Variants in ZNF331 observed in about 807,000 individuals in gnomAD.
The protein encoded by ZNF331 is C2H2-like zinc finger protein rearranged in thyroid adenomas.
A neutral mutation model predicts 7.0 loss-of-function variants in ZNF331; 2 were observed. The observed-to-expected ratio is 0.29, with a 90% CI of 0.12 to 0.90. ZNF331 has a LOEUF of 0.90. ZNF331 is among the 40% of genes least tolerant of loss of function. ZNF331 has a pLI of 0.58. For synonymous variants in ZNF331, 196 were observed against 205.4 expected, an observed-to-expected ratio of 0.95 and a Z score of 0.39; for missense variants, 432 against 587.7, an observed-to-expected ratio of 0.74 and a Z score of 2.74.
At chr19:53,523,257 C>G (rs1046187253) in intron 2 of ZNF331, 3 of 150,806 alleles carry the variant, frequency 2.0e-5, no homozygotes, top group Non-Finnish European at 2.9e-5. Flanking sequence ...TTGCCCTTGT[C>G]CCCCAGGCTG....
intron 2 of ZNF331, among the ~76,000 whole-genome samples, chr19:53,523,722 C>T (rs1403264700): frequency 2.6e-5 from 4 of 152,168 alleles, no homozygotes; most frequent in South Asian, 2.1e-4. Flanking sequence ...AGCCACCATG[C>T]CCAGCCTTGA....
chr19:53,508,340 C>T, the ZNF331 span, among the ~76,000 whole-genome samples: 2 of 152,152 alleles, frequency 1.3e-5, no homozygotes, highest in African/African-American at 2.4e-5. Context: ...AGCCGCACCA[C>T]GTGACCCTTG....
intron 5 of ZNF331, among the ~76,000 whole-genome samples, chr19:53,574,758 T>C (rs1318314780): frequency 6.6e-6 from 1 of 152,220 alleles, no homozygotes; most frequent in Non-Finnish European, 1.5e-5. Flanking sequence ...TTCATCACAC[T>C]GGGGGCTCAA....
chr19:53,578,701 G>C lies in ZNF331; in HGVS notation c.*749G>C, dbSNP rs2090825789. 1 of 209,956 alleles carries C rather than the reference G, an allele frequency of 4.8e-6. No homozygotes were observed. Among genetic ancestry groups the C allele is most frequent in the South Asian group, 1.9e-4 (1 of 5,322 alleles). The allele number at this position is 209,956 out of a possible 1,614,324, so 13.0% of individuals were successfully genotyped here. ...AGGTGAGAGGGGACTGCTGTACAAAGAATATAGGAAGGCCTCTAGACTACA... is the reference window on the plus strand; with the variant it reads ...AGGTGAGAGGGGACTGCTGTACAAACAATATAGGAAGGCCTCTAGACTACA... On this transcript the variant is annotated 3_prime_UTR_variant, in exon 6 of 6. Coordinates refer to ENST00000449416, the MANE Select transcript of ZNF331 (RefSeq NM_001079906.2).
intron 2 of ZNF331, among the ~76,000 whole-genome samples, chr19:53,525,484 T>C (rs2087257558): frequency 6.6e-6 from 1 of 152,176 alleles, no homozygotes; most frequent in African/African-American, 2.4e-5. Context: ...CCCTTGTAAA[T>C]TGGATTCCTA....
chr19:53,569,199 T>C (rs1220033323), intron 3 of ZNF331, 105 bp from the exon 4 acceptor site: 1 of 623,548 alleles, frequency 1.6e-6, no homozygotes, highest in South Asian at 1.9e-5. Context: ...GTCACGGTTA[T>C]GTGTTTGTGT....
intron 2 of ZNF331, among the ~76,000 whole-genome samples, chr19:53,543,642 C>T (rs916330974): frequency 2.6e-5 from 4 of 152,110 alleles, no homozygotes; most frequent in Admixed American, 1.3e-4. Flanking sequence ...GGAGATTGGC[C>T]GACATGAGTT....
At position 53,539,332 on chromosome 19, in the gene ZNF331, A is replaced by C. The variant is rs1440476245; in HGVS notation, c.-138+50A>C. 1.3e-5 allele frequency: 2 copies of C among 152,090 alleles called. No homozygotes were observed. Among genetic ancestry groups the C allele is most frequent in the African/African-American group, 4.8e-5 (2 of 41,432 alleles). 9.4% of individuals were successfully genotyped at this position (152,090 alleles called of 1,614,324 possible). A position where few individuals can be genotyped will look rare whatever the true frequency, so the allele number is the denominator to read the frequency against. On this transcript the variant is annotated intron_variant, in intron 2 of 5. Coordinates refer to ENST00000449416, the MANE Select transcript of ZNF331 (RefSeq NM_001079906.2). This position sits in a 1 kb window ranked among gnomAD's most constrained non-coding sequence, Gnocchi z 6.1. Reference sequence around the variant, plus strand: ...TAAATGATATGTGTTTATAAGACTTAAGACCAAACATTAAAGGTAGATGAC... The same window carrying C: ...TAAATGATATGTGTTTATAAGACTTCAGACCAAACATTAAAGGTAGATGAC...
chr19:53,536,466 C>T (rs1461954354), upstream of ZNF331: 1 of 152,188 alleles, frequency 6.6e-6, no homozygotes, highest in African/African-American at 2.4e-5. Flanking sequence ...TTTAACCTAC[C>T]CTTTTCCCTT....
intron 2 of ZNF331, among the ~76,000 whole-genome samples, chr19:53,554,301 GGGTCTGGTCGCACATGCGGATCAA>G (rs1444316630): frequency 6.6e-6 from 1 of 152,222 alleles, no homozygotes; most frequent in Non-Finnish European, 1.5e-5. Context: ...ATGTGTGTCG[GGGTCTGGTCGCACATGCGGATCAA>G]GGTCTGGCCA....
intron 3 of ZNF331, among the ~76,000 whole-genome samples, chr19:53,562,046 G>A (rs977165195): frequency 1.3e-5 from 2 of 152,172 alleles, no homozygotes; most frequent in African/African-American, 2.4e-5. Flanking sequence ...TACTTGGGAG[G>A]CTGAGGCAGG....
At chr19:53,549,238 C>G (rs1292188620) in intron 2 of ZNF331, among the ~76,000 whole-genome samples, 1 of 152,174 alleles carries the variant, frequency 6.6e-6, no homozygotes, top group Non-Finnish European at 1.5e-5. Flanking sequence ...TGTCAAAGAT[C>G]AGTTGACCAT....
chr19:53,536,907 A>G (rs547589244), upstream of ZNF331, among the ~76,000 whole-genome samples: 1 of 152,236 alleles, frequency 6.6e-6, no homozygotes, highest in Admixed American at 6.5e-5. Flanking sequence ...CCGTCTCAAA[A>G]CAAACAAACA....
At chr19:53,532,178 G>A (rs1012310844) in intron 2 of ZNF331, among the ~76,000 whole-genome samples, 13 of 152,084 alleles carry the variant, frequency 8.5e-5, no homozygotes, top group African/African-American at 3.1e-4. Context: ...ATAGTCACCA[G>A]GTTATAAAAT....
chr19:53,531,477 A>C (rs1257434297), intron 2 of ZNF331, among the ~76,000 whole-genome samples: 1 of 152,192 alleles, frequency 6.6e-6, no homozygotes, highest in Non-Finnish European at 1.5e-5. Context: ...CCTGGAGCTT[A>C]ACATTAGTGC....
intron 2 of ZNF331, among the ~76,000 whole-genome samples, chr19:53,527,256 T>G (rs563891711): frequency 6.6e-6 from 1 of 152,028 alleles, no homozygotes; most frequent in Non-Finnish European, 1.5e-5. Context: ...AAAATCAGAG[T>G]TATGAAGGTG....
At chr19:53,507,114 T>C in the ZNF331 span, among the ~76,000 whole-genome samples, 2 of 152,126 alleles carry the variant, frequency 1.3e-5, no homozygotes, top group Non-Finnish European at 2.9e-5. Flanking sequence ...CAGACTTACA[T>C]TGCTCAATGA....
At chr19:53,515,225 C>A (rs952368438), upstream of ZNF331, among the ~76,000 whole-genome samples, 9 of 152,164 alleles carry the variant, frequency 5.9e-5, no homozygotes, top group African/African-American at 2.2e-4. Flanking sequence ...CTTAAAACTG[C>A]AAGATTGAAT....
chr19:53,511,376 T>C, the ZNF331 span, among the ~76,000 whole-genome samples: 1 of 151,944 alleles, frequency 6.6e-6, no homozygotes, highest in Admixed American at 6.6e-5. Flanking sequence ...GGAAAACATA[T>C]AACAATATGT....
Sources: gnomAD v4.1 joint callset for allele counts (sites outside exome capture counted in the v4.1 genomes callset) on GRCh38, gnomAD v4.1.1 for gene constraint, Gnocchi (gnomAD v3.1) non-coding constraint, MANE v1.5 for transcripts, NCBI Gene and HGNC (gene_info 2026-07-23, HGNC 2026-07-21) for gene names.